Variants in MAPK10 observed in about 807,000 individuals in gnomAD.
MAPK10 encodes the protein mitogen-activated protein kinase 10, also known as JNK3 alpha protein kinase.
A neutral mutation model predicts 59.3 loss-of-function variants in MAPK10; 25 were observed. The observed-to-expected ratio is 0.42, with a 90% CI of 0.31 to 0.59. MAPK10 has a LOEUF of 0.59. MAPK10 is among the 20% of genes least tolerant of loss of function. MAPK10 has a pLI of 0.15. For synonymous variants in MAPK10, 190 were observed against 200.5 expected, an observed-to-expected ratio of 0.95 and a Z score of 0.44; for missense variants, 351 against 568.9, an observed-to-expected ratio of 0.62 and a Z score of 3.90.
intron 1 of MAPK10, among the ~76,000 whole-genome samples, chr4:86,521,741 C>G (rs1757126313): frequency 6.6e-6 from 1 of 152,184 alleles, no homozygotes; most frequent in Non-Finnish European, 1.5e-5. Flanking sequence ...AGAAAGCACA[C>G]AGGGCTCTCA....
intron 2 of MAPK10, among the ~76,000 whole-genome samples, chr4:86,315,203 C>G (rs2095755886): frequency 6.6e-6 from 1 of 151,632 alleles, no homozygotes; most frequent in Non-Finnish European, 1.5e-5. Flanking sequence ...AACAATTGAA[C>G]TCATGGAGAT....
chr4:86,576,484 C>T (rs1761898187), intron 1 of MAPK10, among the ~76,000 whole-genome samples: 1 of 152,072 alleles, frequency 6.6e-6, no homozygotes, highest in South Asian at 2.1e-4. Flanking sequence ...TTTTAAACGG[C>T]CTATAGTAGG....
Position 86,549,168 on chromosome 4 carries a change from C to T in MAPK10, c.-263+44742G>A, listed in dbSNP as rs548373064. ...TGTAATTTTAACCATATCTTATCAT[C>T]GTGATAGAAATTATCCAAAGTTTCA... On this transcript the variant is annotated intron_variant, in intron 1 of 4. Transcript: ENST00000502302. Among the ~76,000 whole-genome samples, 5 of 152,126 alleles carry T rather than the reference C, an allele frequency of 3.3e-5. No individual in the cohort carries two copies. In the South Asian group the frequency reaches 1.0e-3, roughly 32 times the overall value.
At chr4:86,177,510 G>A (rs76950914) in intron 3 of MAPK10, among the ~76,000 whole-genome samples, 12,886 of 152,062 alleles carry the variant, frequency 0.085, 1,210 homozygotes, top group African/African-American at 0.23. Context: ...CAAATGAAAT[G>A]AGCAAGTTAT....
intron 1 of MAPK10, among the ~76,000 whole-genome samples, chr4:86,570,934 A>G (rs1021247420): frequency 7.9e-5 from 12 of 152,084 alleles, no homozygotes; most frequent in African/African-American, 2.9e-4. Context: ...GATTAGTTTC[A>G]GTTGTTAATA....
At chr4:86,416,864 T>C (rs1745923369) in intron 1 of MAPK10, among the ~76,000 whole-genome samples, 1 of 152,198 alleles carries the variant, frequency 6.6e-6, no homozygotes, top group South Asian at 2.1e-4. Flanking sequence ...ACTGGGACCA[T>C]GTGTGGAATC....
chr4:86,344,383 C>T (rs1726878421), intron 2 of MAPK10, among the ~76,000 whole-genome samples: 1 of 152,192 alleles, frequency 6.6e-6, no homozygotes, highest in Non-Finnish European at 1.5e-5. Context: ...TCCCAAAGAG[C>T]TGGGATTACA....
rs977859443 is a variant in MAPK10, at chr4:86,375,072, C to T, written c.-121-20428G>A. Among the ~76,000 whole-genome samples, 8 of 151,964 alleles carry T rather than the reference C, an allele frequency of 5.3e-5. No individual in the cohort carries two copies. In the South Asian group the frequency reaches 6.2e-4, roughly 12 times the overall value. ...GACACAGACATGAATGATTATAATG[C>T]GAGGGATTTTTAAATTGCTAAATCA... On this transcript the variant is annotated intron_variant, in intron 1 of 13. Coordinates refer to the MAPK10 transcript ENST00000361569.
chr4:86,333,164 T>C (rs1414873814), intron 2 of MAPK10, among the ~76,000 whole-genome samples: 1 of 152,142 alleles, frequency 6.6e-6, no homozygotes, highest in Admixed American at 6.6e-5. Flanking sequence ...CAAGTATTAC[T>C]TTATAAATAT....
intron 2 of MAPK10, among the ~76,000 whole-genome samples, chr4:86,228,146 C>T (rs376654135): frequency 2.6e-4 from 39 of 152,026 alleles, no homozygotes; most frequent in African/African-American, 9.4e-4. Flanking sequence ...AGGAACTGTC[C>T]CTAGTTGTCT....
intron 2 of MAPK10, among the ~76,000 whole-genome samples, chr4:86,351,315 AT>A (rs1301688009): frequency 6.6e-6 from 1 of 151,582 alleles, no homozygotes; most frequent in African/African-American, 2.4e-5. Context: ...ATTGTACAAT[AT>A]ATGTACAAAG....
intron 1 of MAPK10, among the ~76,000 whole-genome samples, chr4:86,497,685 A>G (rs1754974985): frequency 6.6e-6 from 1 of 152,206 alleles, no homozygotes; most frequent in African/African-American, 2.4e-5. Flanking sequence ...TCTGGAAAGG[A>G]GGAAAGAAAG....
intron 3 of MAPK10, among the ~76,000 whole-genome samples, chr4:86,163,307 T>C (rs1037525256): frequency 6.6e-5 from 10 of 152,116 alleles, no homozygotes; most frequent in Non-Finnish European, 7.4e-5. Context: ...GTTCAGAGCA[T>C]ATTTAATAGA....
chr4:86,551,152 A>T (rs1759742564), intron 1 of MAPK10, among the ~76,000 whole-genome samples: 1 of 152,204 alleles, frequency 6.6e-6, no homozygotes, highest in South Asian at 2.1e-4. Flanking sequence ...ATTTATAGTA[A>T]AAAGGATGGG....
At chr4:86,256,742 T>TTTTTTTTTTTTTTTTC (rs2093740159) in intron 2 of MAPK10, among the ~76,000 whole-genome samples, 1 of 132,828 alleles carries the variant, frequency 7.5e-6, no homozygotes, top group African/African-American at 2.9e-5. Flanking sequence ...TTCTTTTTTT[T>TTTTTTTTTTTTTTTTC]TTTTTTTTTT....
intron 1 of MAPK10, among the ~76,000 whole-genome samples, chr4:86,549,160 C>G (rs1010927867): frequency 6.6e-6 from 1 of 152,102 alleles, no homozygotes; most frequent in Non-Finnish European, 1.5e-5. Flanking sequence ...TTAACCATAT[C>G]TTATCATCGT....
At chr4:86,396,455 G>A (rs1742963868) in intron 1 of MAPK10, among the ~76,000 whole-genome samples, 1 of 152,202 alleles carries the variant, frequency 6.6e-6, no homozygotes, top group Admixed American at 6.5e-5. Flanking sequence ...AATGGGGATA[G>A]TCCAAATTGA....
intron 2 of MAPK10, among the ~76,000 whole-genome samples, chr4:86,331,152 G>A (rs2096143489): frequency 6.6e-6 from 1 of 152,126 alleles, no homozygotes; most frequent in African/African-American, 2.4e-5. Flanking sequence ...GGAAGTATGA[G>A]GACAGGGAGA....
intron 1 of MAPK10, among the ~76,000 whole-genome samples, chr4:86,558,551 G>C (rs1760439258): frequency 6.6e-6 from 1 of 152,148 alleles, no homozygotes; most frequent in Admixed American, 6.5e-5. Flanking sequence ...ACGGCTCACA[G>C]ATAAACATGT....
Sources: allele counts gnomAD v4.1 joint callset (sites outside exome capture counted in the v4.1 genomes callset), GRCh38; gene constraint gnomAD v4.1.1; transcripts MANE v1.5; gene names NCBI Gene and HGNC (gene_info 2026-07-23, HGNC 2026-07-21).